Variants in PRTG observed in about 807,000 individuals in gnomAD.
PRTG encodes protogenin, also known as immunoglobulin superfamily, DCC subclass, member 5.
Under a neutral mutation model 122.5 loss-of-function variants are expected in PRTG, and 67 were observed. That is an observed-to-expected ratio of 0.55 (90% CI 0.45 to 0.67). PRTG has a LOEUF of 0.67. Ranked by LOEUF, PRTG falls within the 30% of genes least tolerant of loss-of-function variation. PRTG has a pLI of 0.00. For synonymous variants in PRTG, 554 were observed against 501.1 expected (o/e 1.11, Z -1.41); for missense variants, 1,435 against 1,415.4 (o/e 1.01, Z -0.22).
In PRTG at chr15:55,656,887, T is replaced by C. The variant is rs113390105; in HGVS notation, c.2041+15558A>G. ...ATCTATCTATATACAAATGTTTATA[T>C]TGATCACTTGTTTGACACTGAGGAC... On this transcript the variant is annotated intron_variant, in intron 11 of 19. Coordinates refer to ENST00000389286, the MANE Select transcript of PRTG (RefSeq NM_173814.6). 4.6e-3 allele frequency among the ~76,000 whole-genome samples: 705 copies of C among 152,354 alleles called. 6 individuals are homozygous for C. Among genetic ancestry groups the C allele is most frequent in the African/African-American group, 0.016 (659 of 41,588 alleles).
rs2059122853 is a variant in PRTG, at chr15:55,612,094, A to T, written c.*7918T>A. The T allele has an allele frequency of 6.6e-6, 1 of 152,014 alleles. No individual in the cohort carries two copies. Among genetic ancestry groups the T allele is most frequent in the East Asian group, 1.9e-4 (1 of 5,198 alleles). 9.4% of individuals were successfully genotyped at this position (152,014 alleles called of 1,614,324 possible). A position where few individuals can be genotyped will look rare whatever the true frequency, so the allele number is the denominator to read the frequency against. On this transcript the variant is annotated 3_prime_UTR_variant, in exon 20 of 20. Coordinates refer to ENST00000389286, the MANE Select transcript of PRTG (RefSeq NM_173814.6). ...ACAAGCAGACACATTTTCTTAACAT[A>T]TGTCCTCTACTCTACTGATAGGCTA...
intron 2 of PRTG, among the ~76,000 whole-genome samples, chr15:55,709,524 C>T (rs2030296381): frequency 6.6e-6 from 1 of 151,816 alleles, no homozygotes; most frequent in South Asian, 2.1e-4. Context: ...CATTTCAACT[C>T]TTAGGTATCT....
At position 55,667,813 on chromosome 15, in the gene PRTG, T is replaced by A. The variant is rs138931920; in HGVS notation, c.2041+4632A>T. ...TGGACAGAATGAATCAGGCTGGGCA[T>A]GGCGGCTCACACCTACCATCCTGGC... On this transcript the variant is annotated intron_variant, in intron 11 of 19. Coordinates refer to ENST00000389286, the MANE Select transcript of PRTG (RefSeq NM_173814.6). 4.7e-4 allele frequency among the ~76,000 whole-genome samples: 72 copies of A among 152,280 alleles called. 1 individual carries two copies. The highest frequency in any genetic ancestry group is 1.9e-3 in the South Asian group (9 of 4,820).
At chr15:55,620,791 T>C (rs775997587) in intron 18 of PRTG, 24 bp from the exon 19 acceptor site, 7 of 1,561,536 alleles carry the variant, frequency 4.5e-6, no homozygotes, top group South Asian at 1.2e-5. Flanking sequence ...AGAGGGGAAA[T>C]GTAAAATATC....
At chr15:55,698,831 G>T (rs914799778) in intron 2 of PRTG, among the ~76,000 whole-genome samples, 1 of 149,718 alleles carries the variant, frequency 6.7e-6, no homozygotes, top group Non-Finnish European at 1.5e-5. Context: ...CATGCTCATA[G>T]AAAAAAAGGA....
chr15:55,716,887 A>G (rs528329859), intron 2 of PRTG, among the ~76,000 whole-genome samples: 11 of 152,316 alleles, frequency 7.2e-5, no homozygotes, highest in African/African-American at 2.2e-4. Context: ...ACCAAGCTTG[A>G]TAATGCCTAA....
intron 2 of PRTG, among the ~76,000 whole-genome samples, chr15:55,693,404 TGA>T (rs1406944586): frequency 6.6e-6 from 1 of 151,054 alleles, no homozygotes; most frequent in East Asian, 2.0e-4. Context: ...TGCAGTAAGC[TGA>T]GATCGCACCA....
Position 55,742,829 on chromosome 15 carries a change from C to T in PRTG, c.94+9G>A, listed in dbSNP as rs575570244. ...AGCGGTAAGAGAAAGCAGAAGAAAGCGCGCCCACCTGGCAAAGGACTGAGC... is the reference window on the plus strand; with the variant it reads ...AGCGGTAAGAGAAAGCAGAAGAAAGTGCGCCCACCTGGCAAAGGACTGAGC... On this transcript the variant is annotated intron_variant, in intron 1 of 19. Transcript: ENST00000389286. The T allele has an allele frequency of 1.7e-4, 256 of 1,541,384 alleles. 1 individual carries two copies. In the South Asian group the frequency reaches 2.9e-3, roughly 17 times the overall value.
intron 15 of PRTG, among the ~76,000 whole-genome samples, chr15:55,629,373 ATATGTGTGTG>A (rs1246573445): frequency 0.032 from 1,725 of 53,822 alleles, 16 homozygotes; most frequent in Middle Eastern, 0.044. Context: ...ATATATATAT[ATATGTGTGTG>A]TGTGTGTGTG....
intron 11 of PRTG, chr15:55,656,199 C>G (rs989499589): frequency 5.2e-5 from 15 of 290,286 alleles, no homozygotes; most frequent in Non-Finnish European, 8.8e-5. Context: ...CTTTTCCCCA[C>G]AAGAATCCAG....
At chr15:55,741,039 T>A (rs1167139662) in intron 1 of PRTG, among the ~76,000 whole-genome samples, 1 of 152,152 alleles carries the variant, frequency 6.6e-6, no homozygotes, top group African/African-American at 2.4e-5. Flanking sequence ...TTGAACAGAG[T>A]AAGTCGTAAA....
chr15:55,698,464 TGTTTGTGA>T (rs1373656983), intron 2 of PRTG, among the ~76,000 whole-genome samples: 4 of 152,044 alleles, frequency 2.6e-5, no homozygotes, highest in Admixed American at 6.6e-5. Context: ...CTAATTTTTG[TGTTTGTGA>T]TAGAGTCAGG....
In PRTG at chr15:55,629,148, T is replaced by C. The variant is rs184520948; in HGVS notation, c.2624-144A>G. The C allele has an allele frequency of 5.2e-4, 279 of 534,424 alleles. 1 individual carries two copies. The highest frequency in any genetic ancestry group is 5.7e-5 in the Non-Finnish European group (18 of 318,434). 33.1% of individuals were successfully genotyped at this position (534,424 alleles called of 1,614,324 possible). A position where few individuals can be genotyped will look rare whatever the true frequency, so the allele number is the denominator to read the frequency against. ...TTGTAGAACATTTAGAAAATAAAAATATAAATAAAATTACAATCTTTCATT... is the reference window on the plus strand; with the variant it reads ...TTGTAGAACATTTAGAAAATAAAAACATAAATAAAATTACAATCTTTCATT... On this transcript the variant is annotated intron_variant, in intron 15 of 19. Coordinates refer to ENST00000389286, the MANE Select transcript of PRTG (RefSeq NM_173814.6).
chr15:55,729,249 G>A (rs1208991914), intron 2 of PRTG, among the ~76,000 whole-genome samples: 2 of 152,192 alleles, frequency 1.3e-5, no homozygotes, highest in African/African-American at 2.4e-5. Context: ...AACATGCTAA[G>A]TGTAGGAAGA....
intron 2 of PRTG, among the ~76,000 whole-genome samples, chr15:55,691,422 C>A (rs888962294): frequency 6.6e-6 from 1 of 152,080 alleles, no homozygotes; most frequent in Admixed American, 6.5e-5. Flanking sequence ...GTGGCTCACA[C>A]CTGTAATCCC....
chr15:55,651,289 T>C (rs2059351979), intron 11 of PRTG, among the ~76,000 whole-genome samples: 2 of 152,024 alleles, frequency 1.3e-5, no homozygotes, highest in African/African-American at 2.4e-5. Context: ...AATACATACA[T>C]TCAACCTACG....
At chr15:55,676,620 A>G (rs1365003016) in intron 8 of PRTG, among the ~76,000 whole-genome samples, 1 of 152,172 alleles carries the variant, frequency 6.6e-6, no homozygotes. Context: ...TGGCTTGTTA[A>G]TTAGGAGCTG....
At chr15:55,640,732 AGGT>A (rs1477439683) in intron 12 of PRTG, among the ~76,000 whole-genome samples, 1 of 152,094 alleles carries the variant, frequency 6.6e-6, no homozygotes, top group Non-Finnish European at 1.5e-5. Context: ...TACTTTAGCC[AGGT>A]GCGGTGGCTC....
rs1461430701 is a variant in PRTG, at chr15:55,675,447, AC to A, written c.1546+71del. 8.2e-6 allele frequency: 9 copies of A among 1,101,128 alleles called. No individual in the cohort carries two copies. In the African/African-American group the frequency reaches 1.4e-4, roughly 17 times the overall value. 68.2% of individuals were successfully genotyped at this position (1,101,128 alleles called of 1,614,324 possible). On this transcript the variant is annotated intron_variant, in intron 9 of 19. Coordinates refer to ENST00000389286, the MANE Select transcript of PRTG (RefSeq NM_173814.6). The stretch of plus-strand genomic sequence containing the variant: ...AAAAAGAGGATATTTTCTTTAAAAC[AC>A]ATTTATTCATTGAAATTGACAAAAC...
Sources: allele counts gnomAD v4.1 joint callset (sites outside exome capture counted in the v4.1 genomes callset), GRCh38; gene constraint gnomAD v4.1.1; transcripts MANE v1.5; gene names NCBI Gene and HGNC (gene_info 2026-07-23, HGNC 2026-07-21).